Variants in GALNT15 observed in about 807,000 individuals in gnomAD.
GALNT15 encodes polypeptide N-acetylgalactosaminyltransferase 15.
Under a neutral mutation model 66.8 loss-of-function variants are expected in GALNT15, and 67 were observed. The observed-to-expected ratio is 1.00, with a 90% CI of 0.82 to 1.23. The LOEUF is 1.23. Among genes scored for constraint, GALNT15 ranks in the 50% most tolerant of loss-of-function variants. GALNT15 has a pLI of 0.00. For synonymous variants in GALNT15, 313 were observed against 311.5 expected (o/e 1.00, Z -0.05); for missense variants, 827 against 804.3 (o/e 1.03, Z -0.34).
the GALNT15 span, among the ~76,000 whole-genome samples, chr3:16,244,180 C>T: frequency 6.6e-6 from 1 of 152,202 alleles, no homozygotes; most frequent in Non-Finnish European, 1.5e-5. Context: ...TTCTGTCCAC[C>T]TCCTCAGTGA....
chr3:16,175,571 C>T lies in GALNT15; in HGVS notation c.420C>T (p.Asp140=), dbSNP rs34510233. 2,196 of 1,613,826 alleles carry T rather than the reference C, an allele frequency of 1.4e-3. 27 individuals are homozygous for T. In the African/African-American group the frequency reaches 0.023, roughly 17 times the overall value. ...AGAGGGACTGGGGGGCTGATGAGGA[C>T]GGGGAGGTGTCTGAAGAAGAGGAGT... ...APKRDWGADE[D]GEVSEEEELT... is the part of the protein sequence containing the mutation. The change falls in exon 1 of 10, where the codon GAC becomes GAT. Residue 140 remains aspartate, a synonymous_variant. Transcript: ENST00000339732. The surrounding 1 kb of genome is among the most constrained non-coding windows in gnomAD (Gnocchi z 5.6).
In GALNT15 at chr3:16,229,193, T is replaced by C; in HGVS notation, c.*1693T>C. ...CAGTGTTTCCAAACAATACCTATCATAACTACGTATTCATTGTCTACCTGC... is the reference window on the plus strand; with the variant it reads ...CAGTGTTTCCAAACAATACCTATCACAACTACGTATTCATTGTCTACCTGC... On this transcript the variant is annotated 3_prime_UTR_variant, in exon 10 of 10. Transcript: ENST00000339732. 5 of 985,312 alleles carry C rather than the reference T, an allele frequency of 5.1e-6. No individual in the cohort carries two copies. The highest frequency in any genetic ancestry group is 6.0e-6 in the Non-Finnish European group (5 of 829,816). The allele number at this position is 985,312 out of a possible 1,614,324, so 61.0% of individuals were successfully genotyped here. A position where few individuals can be genotyped will look rare whatever the true frequency, so the allele number is the denominator to read the frequency against.
Position 16,200,714 on chromosome 3 carries a change from A to T in GALNT15, c.802A>T (p.Met268Leu). 2 of 1,611,588 alleles carry T rather than the reference A, an allele frequency of 1.2e-6. No individual in the cohort carries two copies. The highest frequency in any genetic ancestry group is 2.2e-5 in the South Asian group (2 of 90,546). Residue 268 changes from methionine to leucine, a missense_variant, in exon 3 of 10, where the codon ATG (methionine) becomes TTG (leucine). Coordinates refer to ENST00000339732, the MANE Select transcript of GALNT15 (RefSeq NM_054110.5). This position sits in a 1 kb window ranked among gnomAD's most constrained non-coding sequence, Gnocchi z 4.4. The stretch of plus-strand genomic sequence containing the variant: ...GAGGCTGGGTGCCATCAGGGCCCGG[A>T]TGCTGGGGGCCACCAGAGCCACCGG... ...NKRLGAIRAR[M>L]LGATRATGDV... is the part of the protein sequence containing the mutation.
Position 16,175,421 on chromosome 3 carries a change from G to A in GALNT15, c.270G>A (p.Leu90=). ...PLEGLPPFIS[L]REDQLLVAVA... ...AGGGCCTGCCACCCTTTATCTCACT[G>A]CGGGAGGATCAGCTGCTGGTGGCCG... The change falls in exon 1 of 10, where the codon CTG becomes CTA. Residue 90 remains leucine, a synonymous_variant. Coordinates refer to ENST00000339732, the MANE Select transcript of GALNT15 (RefSeq NM_054110.5). This position sits in a 1 kb window ranked among gnomAD's most constrained non-coding sequence, Gnocchi z 5.6. The A allele has an allele frequency of 6.2e-7, 1 of 1,614,172 alleles. No homozygotes were observed. The highest frequency in any genetic ancestry group is 8.5e-7 in the Non-Finnish European group (1 of 1,180,034).
At chr3:16,226,156 T>C (rs1231299682) in intron 9 of GALNT15, among the ~76,000 whole-genome samples, 1 of 152,090 alleles carries the variant, frequency 6.6e-6, no homozygotes, top group African/African-American at 2.4e-5. Context: ...TCCATAAATA[T>C]AGAAAGTAGA....
chr3:16,185,159 T>A (rs1410701442), intron 1 of GALNT15, among the ~76,000 whole-genome samples: 1 of 152,172 alleles, frequency 6.6e-6, no homozygotes, highest in Non-Finnish European at 1.5e-5. Flanking sequence ...GTTAAATGAC[T>A]TGATAGAGAG....
rs149859637 is a variant in GALNT15 at position 16,180,936 on chromosome 3, C to A, written c.539+5246C>A. 6.6e-6 allele frequency among the ~76,000 whole-genome samples: 1 copy of A among 152,212 alleles called. No homozygotes were observed. The highest frequency in any genetic ancestry group is 1.9e-4 in the East Asian group (1 of 5,194). Reference sequence around the variant, plus strand: ...GTGTGACCTTGTACAAGTCACTCAACCTCTCTGAGCCTCAGTTCCTCAACT... The same window carrying A: ...GTGTGACCTTGTACAAGTCACTCAAACTCTCTGAGCCTCAGTTCCTCAACT... On this transcript the variant is annotated intron_variant, in intron 1 of 9. Transcript: ENST00000339732. This position sits in a 1 kb window ranked among gnomAD's most constrained non-coding sequence, Gnocchi z 5.0.
In GALNT15 at chr3:16,227,294, T is replaced by C; in HGVS notation, c.1774-60T>C. 6.5e-7 allele frequency: 1 copy of C among 1,541,372 alleles called. No individual in the cohort carries two copies. Among genetic ancestry groups the C allele is most frequent in the Non-Finnish European group, 8.8e-7 (1 of 1,138,444 alleles). Reference sequence around the variant, plus strand: ...ATTAGCACAAATCTTAAAAATATTTTCTTTTGCTGACTGATTGTGGGGGAC... The same window carrying C: ...ATTAGCACAAATCTTAAAAATATTTCCTTTTGCTGACTGATTGTGGGGGAC... On this transcript the variant is annotated intron_variant, in intron 9 of 9. Coordinates refer to ENST00000339732, the MANE Select transcript of GALNT15 (RefSeq NM_054110.5). The surrounding 1 kb of genome is among the most constrained non-coding windows in gnomAD (Gnocchi z 4.5).
chr3:16,232,654 A>G (rs2124915250), downstream of GALNT15, among the ~76,000 whole-genome samples: 1 of 150,742 alleles, frequency 6.6e-6, no homozygotes, highest in Admixed American at 6.6e-5. Context: ...AAAAGAGCAG[A>G]GGCAAAGGTG....
At chr3:16,245,955 T>A in the GALNT15 span, among the ~76,000 whole-genome samples, 1 of 152,108 alleles carries the variant, frequency 6.6e-6, no homozygotes, top group Non-Finnish European at 1.5e-5. Flanking sequence ...GTTGAATGAA[T>A]GAACAGTAGA....
rs2063499463 is a variant in GALNT15, at chr3:16,184,497, ACTCT to A, written c.539+8814_539+8817del. On this transcript the variant is annotated intron_variant, in intron 1 of 9. Coordinates refer to ENST00000339732, the MANE Select transcript of GALNT15 (RefSeq NM_054110.5). This position sits in a 1 kb window ranked among gnomAD's most constrained non-coding sequence, Gnocchi z 5.0. ...GGCATGTCATTCATTCCCCACCTGC[ACTCT>A]CTCTCTGGGCTGTGTCCTACCCACC... Among the ~76,000 whole-genome samples, 1 of 151,396 alleles carries A rather than the reference ACTCT, an allele frequency of 6.6e-6. No homozygotes were observed. Among genetic ancestry groups the A allele is most frequent in the African/African-American group, 2.4e-5 (1 of 41,118 alleles).
Position 16,175,539 on chromosome 3 carries a change from G to T in GALNT15, c.388G>T (p.Ala130Ser), listed in dbSNP as rs376542564. ...IKQPRRQDKEAPKRDWGADED... is the reference protein window; with the variant it reads ...IKQPRRQDKESPKRDWGADED... ...GCAGCCAAGGAGGCAGGATAAGGAA[G>T]CCCCAAAGAGGGACTGGGGGGCTGA... Residue 130 changes from alanine (A) to serine (S), a missense_variant, in exon 1 of 10, where the codon GCC becomes TCC. Physicochemically the swap from Ala to Ser is moderately conservative, Grantham distance 99. Transcript: ENST00000339732. This position sits in a 1 kb window ranked among gnomAD's most constrained non-coding sequence, Gnocchi z 5.6. The T allele has an allele frequency of 1.8e-5, 29 of 1,613,938 alleles. No homozygotes were observed. Among genetic ancestry groups the T allele is most frequent in the Non-Finnish European group, 2.5e-5 (29 of 1,179,984 alleles).
chr3:16,210,226 A>C (rs764606044), intron 4 of GALNT15, among the ~76,000 whole-genome samples: 51 of 152,240 alleles, frequency 3.3e-4, no homozygotes, highest in Non-Finnish European at 6.3e-4. Flanking sequence ...AGAGGTGAGG[A>C]AGCTGAGCTC....
rs2063722977 is a variant in GALNT15, at chr3:16,203,509, T to C, written c.911+2686T>C. ...CACGGTCTTTGTCTCTCTCTGTCTC[T>C]TGGTCACTCATTCTCTCTCTCTCTC... On this transcript the variant is annotated intron_variant, in intron 3 of 9. Coordinates refer to ENST00000339732, the MANE Select transcript of GALNT15 (RefSeq NM_054110.5). The surrounding 1 kb of genome is among the most constrained non-coding windows in gnomAD (Gnocchi z 6.2). Among the ~76,000 whole-genome samples the C allele has an allele frequency of 6.7e-6, 1 of 149,774 alleles. No homozygotes were observed. The highest frequency in any genetic ancestry group is 2.5e-5 in the African/African-American group (1 of 40,312).
Position 16,200,231 on chromosome 3 carries a change from C to T in GALNT15, c.707-388C>T, listed in dbSNP as rs2063684588. On this transcript the variant is annotated intron_variant, in intron 2 of 9. Coordinates refer to ENST00000339732, the MANE Select transcript of GALNT15 (RefSeq NM_054110.5). This position sits in a 1 kb window ranked among gnomAD's most constrained non-coding sequence, Gnocchi z 4.4. ...ACTGCCCACATGATCCAATCACCTC[C>T]CACCAGGTCCCTCCCTCGCCACATA... Among the ~76,000 whole-genome samples, 1 of 152,104 alleles carries T rather than the reference C, an allele frequency of 6.6e-6. No individual in the cohort carries two copies. Among genetic ancestry groups the T allele is most frequent in the Non-Finnish European group, 1.5e-5 (1 of 68,008 alleles).
rs538088800 is a variant in GALNT15 at position 16,229,170 on chromosome 3, G to A, written c.*1670G>A. On this transcript the variant is annotated 3_prime_UTR_variant, in exon 10 of 10. Coordinates refer to ENST00000339732, the MANE Select transcript of GALNT15 (RefSeq NM_054110.5). ...TAAGAAAAACTGAGTGGGAAGTGCA[G>A]TGTTTCCAAACAATACCTATCATAA... The A allele has an allele frequency of 3.6e-5, 35 of 985,374 alleles. No individual in the cohort carries two copies. The African/African-American group carries it at 5.9e-4, about 17-fold the overall frequency. 61.0% of individuals were successfully genotyped at this position (985,374 alleles called of 1,614,324 possible). A position where few individuals can be genotyped will look rare whatever the true frequency, so the allele number is the denominator to read the frequency against.
chr3:16,220,280 A>G (rs2063929396), intron 8 of GALNT15: 1 of 466,186 alleles, frequency 2.1e-6, no homozygotes, highest in Non-Finnish European at 3.9e-6. Flanking sequence ...CAAACTTTTC[A>G]TTTGACAGAT....
Position 16,227,622 on chromosome 3 carries a change from G to GA in GALNT15, c.*128dup, listed in dbSNP as rs779988660. 3.2e-4 allele frequency: 489 copies of GA among 1,537,174 alleles called. No homozygotes were observed. The highest frequency in any genetic ancestry group is 4.1e-4 in the Non-Finnish European group (469 of 1,150,950). Reference sequence around the variant, plus strand: ...TGTGTGTGCTCCTGGTGTTAGGAGAGAAAAAAGCTCTATGAAAGAATATAG... The same window carrying GA: ...TGTGTGTGCTCCTGGTGTTAGGAGAGAAAAAAAGCTCTATGAAAGAATATAG... On this transcript the variant is annotated 3_prime_UTR_variant, in exon 10 of 10. Coordinates refer to ENST00000339732, the MANE Select transcript of GALNT15 (RefSeq NM_054110.5). The surrounding 1 kb of genome is among the most constrained non-coding windows in gnomAD (Gnocchi z 4.5).
chr3:16,215,780 C>T (rs181685642), intron 6 of GALNT15, among the ~76,000 whole-genome samples: 2 of 151,948 alleles, frequency 1.3e-5, no homozygotes, highest in East Asian at 1.9e-4. Flanking sequence ...CATGGTGACA[C>T]GTGCCTATAG....
Sources: allele counts gnomAD v4.1 joint callset (sites outside exome capture counted in the v4.1 genomes callset), GRCh38; gene constraint gnomAD v4.1.1; non-coding constraint Gnocchi (gnomAD v3.1); transcripts MANE v1.5; gene names NCBI Gene and HGNC (gene_info 2026-07-23, HGNC 2026-07-21).